Variants in SYNJ1 observed in about 807,000 individuals in gnomAD.
SYNJ1 encodes synaptojanin 1.
Under a neutral mutation model 168.2 loss-of-function variants are expected in SYNJ1, and 78 were observed. That is an observed-to-expected ratio of 0.46 (90% CI 0.39 to 0.56). The LOEUF is 0.56. Among genes scored for constraint, SYNJ1 ranks in the 20% least tolerant of loss-of-function variants. The pLI is 0.00. For synonymous variants in SYNJ1, 539 were observed against 548.6 expected (o/e 0.98, Z 0.24); for missense variants, 1,303 against 1,597.6 (o/e 0.82, Z 3.14).
intron 13 of SYNJ1, among the ~76,000 whole-genome samples, chr21:32,675,672 T>C (rs1175780349): frequency 6.6e-6 from 1 of 152,214 alleles, no homozygotes; most frequent in African/African-American, 2.4e-5. Context: ...CACAGATTCA[T>C]GTTTAAAGAC....
chr21:32,683,951 TG>T, intron 10 of SYNJ1, 86 bp downstream of exon 10: 1 of 1,162,282 alleles, frequency 8.6e-7, no homozygotes, highest in Non-Finnish European at 1.3e-6. Context: ...ATACACTTTC[TG>T]GAAGGTAATA....
Position 32,661,582 on chromosome 21 carries a change from G to A in SYNJ1, c.2304+3331C>T, listed in dbSNP as rs149971612. On this transcript the variant is annotated intron_variant, in intron 18 of 32. Coordinates refer to ENST00000674351, the MANE Select transcript of SYNJ1 (RefSeq NM_203446.3). Reference sequence around the variant, plus strand: ...TGTGGCTGACTTGGTACAGAAGACAGCAAAGGCATTAGGAATCACTTGGAA... The same window carrying A: ...TGTGGCTGACTTGGTACAGAAGACAACAAAGGCATTAGGAATCACTTGGAA... Among the ~76,000 whole-genome samples the A allele has an allele frequency of 5.4e-3, 826 of 152,272 alleles. 8 individuals are homozygous for A. The highest frequency in any genetic ancestry group is 0.019 in the African/African-American group (790 of 41,560).
intron 31 of SYNJ1, among the ~76,000 whole-genome samples, chr21:32,637,646 C>T (rs938795661): frequency 7.2e-5 from 11 of 152,196 alleles, no homozygotes; most frequent in Admixed American, 6.5e-4. Context: ...GAATTCCTGA[C>T]CTCAGGCGAT....
chr21:32,716,965 T>C (rs1455948822), intron 2 of SYNJ1, among the ~76,000 whole-genome samples: 1 of 148,032 alleles, frequency 6.8e-6, no homozygotes, highest in Non-Finnish European at 1.5e-5. Context: ...GTCTTTCACT[T>C]TTTTTTTTTT....
chr21:32,647,594 C>T (rs564511375), intron 23 of SYNJ1, among the ~76,000 whole-genome samples: 1 of 152,202 alleles, frequency 6.6e-6, no homozygotes, highest in South Asian at 2.1e-4. Flanking sequence ...GGGTTTGATC[C>T]CTCTAACTTT....
At chr21:32,664,045 A>C (rs1272017904) in intron 18 of SYNJ1, among the ~76,000 whole-genome samples, 2 of 152,234 alleles carry the variant, frequency 1.3e-5, no homozygotes, top group African/African-American at 4.8e-5. Flanking sequence ...CCATGTTTGA[A>C]AAATGGTTCC....
chr21:32,650,115 A>G (rs1427836756), intron 23 of SYNJ1, 69 bp downstream of exon 23: 2 of 1,503,374 alleles, frequency 1.3e-6, no homozygotes, highest in African/African-American at 2.8e-5. Flanking sequence ...AACTTGGAAA[A>G]TAAGACTTTA....
At chr21:32,651,015 C>A (rs550575360) in intron 22 of SYNJ1, among the ~76,000 whole-genome samples, 1 of 152,070 alleles carries the variant, frequency 6.6e-6, no homozygotes, top group East Asian at 1.9e-4. Flanking sequence ...CTAAGACAAC[C>A]AAGACATTAT....
In SYNJ1 at chr21:32,631,176, G is replaced by A; in HGVS notation, c.*629C>T. ...CCAGTCATCATTCAATGTCAGGTTG[G>A]AGCCAGAAAATGAACTTGGCTGATT... is the stretch of plus-strand genomic sequence containing the variant. On this transcript the variant is annotated 3_prime_UTR_variant, in exon 33 of 33. Transcript: ENST00000674351. 1.2e-6 allele frequency: 2 copies of A among 1,614,164 alleles called. No individual in the cohort carries two copies. The highest frequency in any genetic ancestry group is 1.7e-6 in the Non-Finnish European group (2 of 1,180,030).
intron 2 of SYNJ1, among the ~76,000 whole-genome samples, chr21:32,711,373 G>T (rs932166764): frequency 6.7e-6 from 1 of 148,262 alleles, no homozygotes; most frequent in Admixed American, 6.8e-5. Context: ...TCGTTCTGTC[G>T]CCAGGCTGGA....
intron 3 of SYNJ1, among the ~76,000 whole-genome samples, chr21:32,700,604 A>G (rs939121724): frequency 7.9e-5 from 12 of 152,290 alleles, no homozygotes; most frequent in Middle Eastern, 6.8e-3. Flanking sequence ...GCAGTGAGCC[A>G]AGATCACACC....
At chr21:32,670,460 A>G (rs1332467015) in intron 14 of SYNJ1, 88 bp from the exon 15 acceptor site, 6 of 969,046 alleles carry the variant, frequency 6.2e-6, no homozygotes, top group East Asian at 2.6e-5. Context: ...CAGGTCTCAT[A>G]AAGACTGATT....
chr21:32,714,657 A>G, intron 2 of SYNJ1, among the ~76,000 whole-genome samples: 1 of 152,212 alleles, frequency 6.6e-6, no homozygotes, highest in Non-Finnish European at 1.5e-5. Context: ...AGACTGAAGG[A>G]AAGATCAGGT....
chr21:32,684,268 T>G, intron 9 of SYNJ1, 149 bp from the exon 10 acceptor site: 1 of 677,266 alleles, frequency 1.5e-6, no homozygotes, highest in East Asian at 2.8e-5. Context: ...AAAATTATAC[T>G]GTGAACATCC....
At chr21:32,642,001 T>TAA in intron 28 of SYNJ1, 35 bp from the exon 29 acceptor site, 1 of 1,612,438 alleles carries the variant, frequency 6.2e-7, no homozygotes, top group African/African-American at 1.3e-5. Context: ...TATTTAAGTT[T>TAA]AAAAAAATAA....
chr21:32,710,307 G>C (rs1414962977), intron 2 of SYNJ1, among the ~76,000 whole-genome samples: 1 of 152,062 alleles, frequency 6.6e-6, no homozygotes, highest in Non-Finnish European at 1.5e-5. Flanking sequence ...ATGGAGGCTA[G>C]GTGACATATG....
At chr21:32,647,358 C>T (rs774958006) in intron 23 of SYNJ1, among the ~76,000 whole-genome samples, 19 of 152,204 alleles carry the variant, frequency 1.2e-4, no homozygotes, top group South Asian at 4.1e-4. Flanking sequence ...AGTCAGGTCC[C>T]GCACCATCTT....
Position 32,684,061 on chromosome 21 carries a change from C to A in SYNJ1, c.1177G>T (p.Val393Leu). ...CLDCLDRTNS[V>L]QAFLGLEMLA... is the part of the protein sequence containing the mutation. ...ACCTCTAAGCCAAGAAATGCCTGCA[C>A]ACTATTTGTTCTATCAAGACAATCC... is the stretch of plus-strand genomic sequence containing the variant. Residue 393 changes from valine (V) to leucine (L), a missense_variant, in exon 10 of 33, where the codon GTG (valine) becomes TTG (leucine). Coordinates refer to ENST00000674351, the MANE Select transcript of SYNJ1 (RefSeq NM_203446.3). 1.9e-6 allele frequency: 3 copies of A among 1,613,582 alleles called. No homozygotes were observed. Among genetic ancestry groups the A allele is most frequent in the Non-Finnish European group, 2.5e-6 (3 of 1,179,692 alleles).
chr21:32,697,201 G>A (rs1426154155), intron 4 of SYNJ1, among the ~76,000 whole-genome samples: 3 of 152,110 alleles, frequency 2.0e-5, no homozygotes, highest in Non-Finnish European at 4.4e-5. Context: ...ATTTCCAATG[G>A]AGTAAAGCTA....
Sources: gnomAD v4.1 joint callset for allele counts (sites outside exome capture counted in the v4.1 genomes callset) on GRCh38, gnomAD v4.1.1 for gene constraint, MANE v1.5 for transcripts, NCBI Gene and HGNC (gene_info 2026-07-23, HGNC 2026-07-21) for gene names.